Variants in HNF1A observed in about 807,000 individuals in gnomAD.
HNF1A encodes HNF1 homeobox A.
In HNF1A, 21 loss-of-function variants were observed where a neutral mutation model predicts 62.2. The ratio of observed to expected loss-of-function variants is 0.34; its 90% CI spans 0.24 to 0.49. The LOEUF is 0.49. Among genes scored for constraint, HNF1A ranks in the 20% least tolerant of loss-of-function variants. The pLI, the probability that HNF1A is intolerant of heterozygous loss-of-function variation, is 0.99. For missense variants in HNF1A, 687 were observed against 832.3 expected (o/e 0.83, Z 2.15); for synonymous variants, 374 against 366.8 (o/e 1.02, Z -0.22).
At chr12:120,986,469 C>T (rs754007837) in intron 1 of HNF1A, among the ~76,000 whole-genome samples, 1 of 152,248 alleles carries the variant, frequency 6.6e-6, no homozygotes, top group Non-Finnish European at 1.5e-5. Flanking sequence ...GCGAATTGCT[C>T]AGCGAGGCAG....
chr12:120,999,575 T>C lies in HNF1A; in HGVS notation c.1716T>C (p.Pro572=), dbSNP rs1056936614. The change falls in exon 9 of 10, where the codon CCT becomes CCC. Residue 572 remains proline, a synonymous_variant. Coordinates refer to ENST00000257555, the MANE Select transcript of HNF1A (RefSeq NM_000545.8). Reference sequence around the variant, plus strand: ...CCCTCCACGTCCCCAGCCAGGACCCTGCCAGCATCCAGCACCTGCAGCCGG... The same window carrying C: ...CCCTCCACGTCCCCAGCCAGGACCCCGCCAGCATCCAGCACCTGCAGCCGG... ...ATTLHVPSQD[P]ASIQHLQPAH... is the part of the protein sequence containing the mutation. 1.9e-6 allele frequency: 3 copies of C among 1,612,610 alleles called. No individual in the cohort carries two copies. Among genetic ancestry groups the C allele is most frequent in the Non-Finnish European group, 2.5e-6 (3 of 1,179,760 alleles).
In HNF1A at chr12:120,988,797, C is replaced by T. The variant is rs745720274; in HGVS notation, c.327-36C>T. The T allele has an allele frequency of 3.7e-6, 6 of 1,604,082 alleles. No homozygotes were observed. The East Asian group carries it at 6.7e-5, about 18-fold the overall frequency. On this transcript the variant is annotated intron_variant, in intron 1 of 9. Coordinates refer to ENST00000257555, the MANE Select transcript of HNF1A (RefSeq NM_000545.8). ...AGCCCCACCTATGGGGAGAGACAGC[C>T]CTTGCTGAGCAGATCCCGTCCTTGC...
chr12:120,999,531 C>A lies in HNF1A; in HGVS notation c.1672C>A (p.Pro558Thr). ...CTCCAGTGAGTCCGGGCTTCACACG[C>A]CGGCATCTCAGGCCACCACCCTCCA... ...EASSESGLHT[P>T]ASQATTLHVP... The change falls in exon 9 of 10, where the codon CCG (proline) becomes ACG (threonine). Residue 558 changes from proline to threonine, a missense_variant. Physicochemically the swap from Pro to Thr is conservative, Grantham distance 38. Around this residue, in one of 5 missense-constraint regions of HNF1A, gnomAD observed 408 missense variants for 455.3 expected, o/e 0.90. Coordinates refer to ENST00000257555, the MANE Select transcript of HNF1A (RefSeq NM_000545.8). 6.2e-7 allele frequency: 1 copy of A among 1,613,458 alleles called. No individual in the cohort carries two copies. The highest frequency in any genetic ancestry group is 1.1e-5 in the South Asian group (1 of 91,076).
intron 1 of HNF1A, 135 bp downstream of exon 1, chr12:120,979,229 C>T: frequency 2.5e-6 from 2 of 803,442 alleles, no homozygotes; most frequent in Admixed American, 2.1e-5. Context: ...GGGGACAGGG[C>T]CCATGAGAGC....
intron 1 of HNF1A, among the ~76,000 whole-genome samples, chr12:120,982,581 C>T (rs1357350230): frequency 6.6e-6 from 1 of 152,180 alleles, no homozygotes; most frequent in Non-Finnish European, 1.5e-5. Context: ...TCAGTTTCGT[C>T]TGCAGGGTAG....
intron 1 of HNF1A, 106 bp from the exon 2 acceptor site, chr12:120,988,727 A>G: frequency 2.0e-6 from 2 of 999,458 alleles, no homozygotes; most frequent in South Asian, 1.4e-5. Flanking sequence ...TTTCATGCAC[A>G]GTCCCCACCC....
At chr12:120,997,763 A>G in intron 7 of HNF1A, 98 bp downstream of exon 7, 1 of 1,261,724 alleles carries the variant, frequency 7.9e-7, no homozygotes, top group Non-Finnish European at 1.1e-6. Flanking sequence ...TGCAGTCTGC[A>G]TGTGTCTCTG....
chr12:120,998,273 AC>A (rs1877220540), intron 7 of HNF1A: 1 of 125,670 alleles, frequency 8.0e-6, no homozygotes, highest in Non-Finnish European at 1.7e-5. Flanking sequence ...CAGAGTGAGT[AC>A]TCTGCCAAAA....
chr12:120,995,095 T>G (rs1391270623), intron 4 of HNF1A, among the ~76,000 whole-genome samples: 1 of 113,032 alleles, frequency 8.8e-6, no homozygotes, highest in South Asian at 3.1e-4. Context: ...TCCACTCCAT[T>G]CATTCCACTC....
rs749712370 is a variant in HNF1A, at chr12:120,978,768, C to T, written c.-1C>T. 1.2e-6 allele frequency: 2 copies of T among 1,612,670 alleles called. No individual in the cohort carries two copies. The highest frequency in any genetic ancestry group is 1.7e-6 in the Non-Finnish European group (2 of 1,179,816). ...CCGCGTGGCCCTGTGGCAGCCGAGC[C>T]ATGGTTTCTAAACTGAGCCAGCTGC... On this transcript the variant is annotated 5_prime_UTR_variant, in exon 1 of 10. Transcript: ENST00000257555.
Position 121,001,135 on chromosome 12 carries a change from C to A in HNF1A, c.1839C>A (p.Ser613=). ...ATGGCCAGAGCCACCTGCTGCCATC[C>A]AACCACAGCGTCATCGAGACCTTCA... The part of the protein sequence containing the change: ...SSNGQSHLLP[S]NHSVIETFIS... Residue 613 remains serine, a synonymous_variant, in exon 10 of 10, where the codon TCC becomes TCA. Transcript: ENST00000257555. The A allele has an allele frequency of 6.2e-7, 1 of 1,614,100 alleles. No homozygotes were observed. Among genetic ancestry groups the A allele is most frequent in the Non-Finnish European group, 8.5e-7 (1 of 1,179,996 alleles).
In HNF1A at chr12:120,997,514, C is replaced by T. The variant is rs2135847504; in HGVS notation, c.1350C>T (p.Asn450=). 2.5e-6 allele frequency: 4 copies of T among 1,612,942 alleles called. No homozygotes were observed. Among genetic ancestry groups the T allele is most frequent in the Non-Finnish European group, 3.4e-6 (4 of 1,179,862 alleles). Residue 450 remains asparagine, a synonymous_variant, in exon 7 of 10, where the codon AAC becomes AAT. Coordinates refer to ENST00000257555, the MANE Select transcript of HNF1A (RefSeq NM_000545.8). ...STQAQSVPVI[N]SMGSSLTTLQ... ...AGGCACAGAGTGTGCCGGTCATCAACAGCATGGGCAGCAGCCTGACCACCC... is the reference window on the plus strand; with the variant it reads ...AGGCACAGAGTGTGCCGGTCATCAATAGCATGGGCAGCAGCCTGACCACCC...
At chr12:120,987,348 G>A (rs775202671) in intron 1 of HNF1A, among the ~76,000 whole-genome samples, 20 of 151,736 alleles carry the variant, frequency 1.3e-4, no homozygotes, top group Non-Finnish European at 2.4e-4. Flanking sequence ...GGTGGCGGGT[G>A]CCTGTAGGCC....
At chr12:120,994,081 G>C in intron 3 of HNF1A, 83 bp from the exon 4 acceptor site, 1 of 1,556,078 alleles carries the variant, frequency 6.4e-7, no homozygotes, top group Non-Finnish European at 8.7e-7. Context: ...GCAGAGCTCA[G>C]CTTCTCAGAA....
chr12:120,999,126 T>C (rs1171450320), intron 7 of HNF1A, 142 bp from the exon 8 acceptor site: 2 of 1,006,670 alleles, frequency 2.0e-6, no homozygotes. Context: ...CCTCCAGTTT[T>C]GAAAATCAGC....
At chr12:120,990,011 G>A (rs899980972) in intron 2 of HNF1A, among the ~76,000 whole-genome samples, 2 of 152,140 alleles carry the variant, frequency 1.3e-5, no homozygotes, top group Non-Finnish European at 2.9e-5. Flanking sequence ...ATTACTCAGG[G>A]AATGGTGGGT....
chr12:120,988,459 CCCATTCATCCATTCAT>C (rs529445994), intron 1 of HNF1A, among the ~76,000 whole-genome samples: 1 of 152,034 alleles, frequency 6.6e-6, no homozygotes, highest in East Asian at 1.9e-4. Flanking sequence ...CGTCCATCCA[CCCATTCATCCATTCAT>C]CCATTCACCC....
At position 120,994,191 on chromosome 12, in the gene HNF1A, C is replaced by T. The variant is rs2135841276; in HGVS notation, c.741C>T (p.Ser247=). 3 of 1,613,528 alleles carry T rather than the reference C, an allele frequency of 1.9e-6. No homozygotes were observed. Among genetic ancestry groups the T allele is most frequent in the Non-Finnish European group, 1.7e-6 (2 of 1,179,802 alleles). Residue 247 remains serine (S), a synonymous_variant, in exon 4 of 10, where the codon TCC becomes TCT. Coordinates refer to ENST00000257555, the MANE Select transcript of HNF1A (RefSeq NM_000545.8). Reference sequence around the variant, plus strand: ...CGGAATGCATCCAGAGAGGGGTGTCCCCATCACAGGCACAGGGGCTGGGCT... The same window carrying T: ...CGGAATGCATCCAGAGAGGGGTGTCTCCATCACAGGCACAGGGGCTGGGCT... The part of the protein sequence containing the change: ...NRAECIQRGV[S]PSQAQGLGSN...
chr12:120,999,693 T>G lies in HNF1A; in HGVS notation c.1768+66T>G, dbSNP rs1362068547. 7 of 1,550,870 alleles carry G rather than the reference T, an allele frequency of 4.5e-6. No individual in the cohort carries two copies. In the East Asian group the frequency reaches 6.9e-5, roughly 15 times the overall value. On this transcript the variant is annotated intron_variant, in intron 9 of 9. Transcript: ENST00000257555. ...CCCCCTTCCATGTTGGTCCCACCCC[T>G]TCTGTTGCTGTCCGTCACTGTGGGG...
Sources: gnomAD v4.1 joint callset for allele counts (sites outside exome capture counted in the v4.1 genomes callset) on GRCh38, gnomAD v4.1.1 for gene constraint, gnomAD v4.1.1 regional missense constraint, MANE v1.5 for transcripts, NCBI Gene and HGNC (gene_info 2026-07-23, HGNC 2026-07-21) for gene names.